Variants in ANGPT1 observed in about 807,000 individuals in gnomAD.
ANGPT1 encodes the protein angiopoietin 1.
A neutral mutation model predicts 62.2 loss-of-function variants in ANGPT1; 17 were observed. That is an observed-to-expected ratio of 0.27 (90% CI 0.19 to 0.41). ANGPT1 has a LOEUF of 0.41. ANGPT1 is among the 10% of genes least tolerant of loss of function. ANGPT1 has a pLI of 1.00. For missense variants in ANGPT1, 478 were observed against 594.9 expected (o/e 0.80, Z 2.04); for synonymous variants, 199 against 198.9 (o/e 1.00, Z 0.00).
chr8:107,491,442 C>G lies in ANGPT1; in HGVS notation c.297+5820G>C, dbSNP rs191376083. ...TAGCAAGTACCATGAAGAAATAAAACAGTATAATAAGGTAGAAAGTCTCTT... is the reference window on the plus strand; with the variant it reads ...TAGCAAGTACCATGAAGAAATAAAAGAGTATAATAAGGTAGAAAGTCTCTT... On this transcript the variant is annotated intron_variant, in intron 1 of 8. Coordinates refer to ENST00000517746, the MANE Select transcript of ANGPT1 (RefSeq NM_001146.5). 2.6e-5 allele frequency among the ~76,000 whole-genome samples: 4 copies of G among 152,194 alleles called. No individual in the cohort carries two copies. The East Asian group carries it at 7.8e-4, about 29-fold the overall frequency.
intron 1 of ANGPT1, among the ~76,000 whole-genome samples, chr8:107,481,757 T>A (rs761402819): frequency 6.6e-6 from 1 of 151,896 alleles, no homozygotes; most frequent in Non-Finnish European, 1.5e-5. Context: ...AGAGAATGAG[T>A]CCCGAGCGAA....
chr8:107,255,385 T>C (rs1185662186), intron 8 of ANGPT1, among the ~76,000 whole-genome samples: 1 of 152,038 alleles, frequency 6.6e-6, no homozygotes, highest in African/African-American at 2.4e-5. Context: ...AATATAGGGC[T>C]AAAAAATAAA....
At chr8:107,292,103 A>T (rs1157530914) in intron 6 of ANGPT1, among the ~76,000 whole-genome samples, 1 of 152,128 alleles carries the variant, frequency 6.6e-6, no homozygotes, top group Admixed American at 6.6e-5. Context: ...TTCAGTTTCC[A>T]GAGGATGCTA....
At chr8:107,375,316 G>A (rs1816508785) in intron 1 of ANGPT1, among the ~76,000 whole-genome samples, 2 of 152,052 alleles carry the variant, frequency 1.3e-5, no homozygotes, top group Non-Finnish European at 2.9e-5. Context: ...TTTTAAAAAA[G>A]AAATGCTTAA....
At chr8:107,487,526 C>T (rs964157779) in intron 1 of ANGPT1, among the ~76,000 whole-genome samples, 3 of 150,696 alleles carry the variant, frequency 2.0e-5, no homozygotes, top group Admixed American at 6.7e-5. Flanking sequence ...GTATATTAAG[C>T]GGCCGTGCGT....
chr8:107,487,198 C>T (rs961334382), intron 1 of ANGPT1, among the ~76,000 whole-genome samples: 1 of 152,120 alleles, frequency 6.6e-6, no homozygotes. Flanking sequence ...CACTCCCACT[C>T]CATGGCCAGC....
chr8:107,394,317 A>G (rs958909097), intron 1 of ANGPT1, among the ~76,000 whole-genome samples: 1 of 152,192 alleles, frequency 6.6e-6, no homozygotes, highest in Non-Finnish European at 1.5e-5. Flanking sequence ...ACTAGAATAT[A>G]CAAGCAAGAA....
intron 3 of ANGPT1, among the ~76,000 whole-genome samples, chr8:107,324,514 G>C (rs936397742): frequency 7.9e-5 from 12 of 152,102 alleles, no homozygotes; most frequent in African/African-American, 2.7e-4. Flanking sequence ...CCTTCGGAGA[G>C]AGCCTAGCCC....
intron 1 of ANGPT1, among the ~76,000 whole-genome samples, chr8:107,371,573 C>CTTTT (rs5893851): frequency 7.8e-5 from 8 of 102,146 alleles, no homozygotes; most frequent in Non-Finnish European, 1.4e-4. Context: ...GCTGAGCATT[C>CTTTT]TTTTTTTTTT....
At chr8:107,370,216 AAAGG>A (rs1563590597) in intron 1 of ANGPT1, among the ~76,000 whole-genome samples, 16 of 146,300 alleles carry the variant, frequency 1.1e-4, no homozygotes, top group African/African-American at 3.6e-4. Flanking sequence ...AGAAAGAAAG[AAAGG>A]AGAAAGGAAG....
intron 1 of ANGPT1, among the ~76,000 whole-genome samples, chr8:107,394,684 C>G (rs1232063523): frequency 6.6e-6 from 1 of 152,164 alleles, no homozygotes; most frequent in Non-Finnish European, 1.5e-5. Context: ...ATCCACATAT[C>G]CTGAAGTGCA....
At chr8:107,451,549 G>A (rs572470218) in intron 1 of ANGPT1, among the ~76,000 whole-genome samples, 2 of 151,980 alleles carry the variant, frequency 1.3e-5, no homozygotes, top group South Asian at 4.1e-4. Context: ...TCCATATGGT[G>A]ACATTTATTC....
intron 1 of ANGPT1, among the ~76,000 whole-genome samples, chr8:107,401,042 C>T (rs1033297817): frequency 3.9e-5 from 6 of 152,226 alleles, no homozygotes; most frequent in East Asian, 3.9e-4. Context: ...GCTGTTAAAA[C>T]GTTACTTTTG....
At chr8:107,322,944 T>C (rs1815190586) in intron 3 of ANGPT1, among the ~76,000 whole-genome samples, 1 of 152,214 alleles carries the variant, frequency 6.6e-6, no homozygotes, top group South Asian at 2.1e-4. Context: ...TCATAACCAC[T>C]AGCTTCCTTT....
At chr8:107,373,268 T>A (rs1321127246) in intron 1 of ANGPT1, among the ~76,000 whole-genome samples, 1 of 65,434 alleles carries the variant, frequency 1.5e-5, no homozygotes, top group East Asian at 7.8e-4. Context: ...AAGTACAAAA[T>A]AGATTTTTTT....
At chr8:107,308,387 T>G (rs1814771491) in intron 4 of ANGPT1, among the ~76,000 whole-genome samples, 1 of 152,170 alleles carries the variant, frequency 6.6e-6, no homozygotes, top group African/African-American at 2.4e-5. Context: ...CTTAGTCTTT[T>G]TCTTGACCCA....
At chr8:107,442,350 G>T (rs561560721) in intron 1 of ANGPT1, among the ~76,000 whole-genome samples, 1 of 152,244 alleles carries the variant, frequency 6.6e-6, no homozygotes, top group South Asian at 2.1e-4. Flanking sequence ...AACTAGTGTA[G>T]GTCATGTTGC....
chr8:107,411,112 T>C (rs1289478180), intron 1 of ANGPT1, among the ~76,000 whole-genome samples: 1 of 152,158 alleles, frequency 6.6e-6, no homozygotes, highest in East Asian at 1.9e-4. Context: ...AAAAAATGTG[T>C]AAGAAAATTC....
In ANGPT1 at chr8:107,251,262, T is replaced by C. The variant is rs1813242681; in HGVS notation, c.*593A>G. On this transcript the variant is annotated 3_prime_UTR_variant, in exon 9 of 9. Transcript: ENST00000517746. ...AATGGAATTTTCATTTGAAGATGGG[T>C]AAGCAGAAATCAACTAGTAAGTATG... 1 of 152,516 alleles carries C rather than the reference T, an allele frequency of 6.6e-6. No individual in the cohort carries two copies. The highest frequency in any genetic ancestry group is 2.4e-5 in the African/African-American group (1 of 41,442). 9.4% of individuals were successfully genotyped at this position (152,516 alleles called of 1,614,324 possible).
Sources: allele counts gnomAD v4.1 joint callset (sites outside exome capture counted in the v4.1 genomes callset), GRCh38; gene constraint gnomAD v4.1.1; transcripts MANE v1.5; gene names NCBI Gene and HGNC (gene_info 2026-07-23, HGNC 2026-07-21).